Variants in SLC9D1 observed in about 807,000 individuals in gnomAD.
The protein encoded by SLC9D1 is solute carrier family 9 member D1, also known as putative LAG1-interacting protein.
the SLC9D1 span, among the ~76,000 whole-genome samples, chr13:113,537,331 C>T: frequency 6.6e-6 from 1 of 152,252 alleles, no homozygotes. Context: ...CAGTTCTCCC[C>T]CCAGCTCCTC....
the SLC9D1 span, among the ~76,000 whole-genome samples, chr13:113,519,686 G>A: frequency 1.3e-5 from 2 of 151,334 alleles, no homozygotes; most frequent in East Asian, 3.9e-4. Context: ...CACCAAGTCT[G>A]TGTTGGTCAC....
the SLC9D1 span, among the ~76,000 whole-genome samples, chr13:113,507,347 G>C: frequency 6.6e-6 from 1 of 152,102 alleles, no homozygotes; most frequent in Non-Finnish European, 1.5e-5. Flanking sequence ...TATTACTCAG[G>C]TATAAATATC....
the SLC9D1 span, among the ~76,000 whole-genome samples, chr13:113,519,361 T>G: frequency 6.6e-6 from 1 of 152,062 alleles, no homozygotes; most frequent in South Asian, 2.1e-4. Context: ...TTTTTTTTTT[T>G]TGTAAGAAAA....
chr13:113,547,312 T>C, the SLC9D1 span: 2 of 1,614,138 alleles, frequency 1.2e-6, no homozygotes, highest in South Asian at 2.2e-5. Context: ...CTCCACGTGT[T>C]CCCCACGTTT....
At chr13:113,514,053 C>T in the SLC9D1 span, among the ~76,000 whole-genome samples, 3 of 152,256 alleles carry the variant, frequency 2.0e-5, no homozygotes, top group African/African-American at 7.2e-5. Context: ...ATTAGCTTGA[C>T]TTTAGAACTA....
chr13:113,510,021 C>T, the SLC9D1 span, among the ~76,000 whole-genome samples: 4 of 152,092 alleles, frequency 2.6e-5, no homozygotes, highest in Non-Finnish European at 4.4e-5. Context: ...GGAGAGAGTG[C>T]GTGTGCGTGT....
At chr13:113,495,824 C>T in the SLC9D1 span, 15 of 1,614,020 alleles carry the variant, frequency 9.3e-6, no homozygotes, top group Admixed American at 5.0e-5. Context: ...TGGAGAAAGA[C>T]GTGGGCCTGT....
the SLC9D1 span, among the ~76,000 whole-genome samples, chr13:113,546,174 TC>T: frequency 6.6e-6 from 1 of 152,096 alleles, no homozygotes; most frequent in Non-Finnish European, 1.5e-5. The surrounding 1 kb of genome is among the most constrained non-coding windows in gnomAD (Gnocchi z 7.1). Context: ...GGTAGTGACT[TC>T]CTAGACACCA....
At chr13:113,518,102 A>T in the SLC9D1 span, among the ~76,000 whole-genome samples, 1 of 152,268 alleles carries the variant, frequency 6.6e-6, no homozygotes, top group African/African-American at 2.4e-5. Context: ...AGTGATAAGC[A>T]CAAAAAGGTA....
chr13:113,506,121 G>A, the SLC9D1 span: 4 of 184,440 alleles, frequency 2.2e-5, no homozygotes. Flanking sequence ...GGAGGAGACT[G>A]TTGTGGGTGG....
the SLC9D1 span, among the ~76,000 whole-genome samples, chr13:113,495,109 C>T: frequency 3.3e-5 from 5 of 152,238 alleles, no homozygotes; most frequent in Non-Finnish European, 7.3e-5. Context: ...CTGCCTTGGT[C>T]TCCCAAAGTG....
At chr13:113,539,639 T>A in the SLC9D1 span, 3 of 971,680 alleles carry the variant, frequency 3.1e-6, no homozygotes, top group Non-Finnish European at 4.5e-6. The surrounding 1 kb of genome is among the most constrained non-coding windows in gnomAD (Gnocchi z 4.8). Flanking sequence ...TCAGCATATT[T>A]CAATTTGGAT....
the SLC9D1 span, chr13:113,503,543 T>C: frequency 4.3e-6 from 7 of 1,613,920 alleles, no homozygotes; most frequent in Non-Finnish European, 5.9e-6. Context: ...TGTTTTTTAC[T>C]CTTTTTCTTG....
At chr13:113,498,268 A>C in the SLC9D1 span, 1 of 1,131,768 alleles carries the variant, frequency 8.8e-7, no homozygotes, top group Non-Finnish European at 1.2e-6. Context: ...ACAAAGCAGG[A>C]GGATTGATTA....
chr13:113,511,509 A>C, the SLC9D1 span, among the ~76,000 whole-genome samples: 1 of 152,144 alleles, frequency 6.6e-6, no homozygotes, highest in Non-Finnish European at 1.5e-5. Flanking sequence ...GGCAGGGAAA[A>C]CTTTTTAAAA....
chr13:113,520,834 T>G, the SLC9D1 span: 1 of 877,404 alleles, frequency 1.1e-6, no homozygotes, highest in Admixed American at 1.9e-5. Flanking sequence ...TGAGCTCAGA[T>G]GGCTCAGGAT....
the SLC9D1 span, among the ~76,000 whole-genome samples, chr13:113,544,429 G>C: frequency 3.5e-5 from 5 of 141,358 alleles, no homozygotes; most frequent in Non-Finnish European, 7.4e-5. Flanking sequence ...TTTCGGAGCA[G>C]GTGGTCTTCC....
chr13:113,549,404 C>T, the SLC9D1 span: 1 of 1,612,618 alleles, frequency 6.2e-7, no homozygotes, highest in Non-Finnish European at 8.5e-7. Context: ...CTGTGACCCG[C>T]TCTGCACTTT....
the SLC9D1 span, among the ~76,000 whole-genome samples, chr13:113,519,066 G>A: frequency 1.9e-3 from 275 of 147,250 alleles, 1 homozygote; most frequent in African/African-American, 6.4e-3. Context: ...TTTTTGAGAC[G>A]GAGTCTCGCT....
Sources: gnomAD v4.1 joint callset for allele counts (sites outside exome capture counted in the v4.1 genomes callset) on GRCh38, gnomAD v4.1.1 for gene constraint, Gnocchi (gnomAD v3.1) non-coding constraint, MANE v1.5 for transcripts, NCBI Gene and HGNC (gene_info 2026-07-23, HGNC 2026-07-21) for gene names.